FHAD1: variants seen among roughly 807,000 people sequenced by gnomAD.
The protein encoded by FHAD1 is forkhead associated phosphopeptide binding domain 1, also known as forkhead-associated domain-containing protein 1.
Under a neutral mutation model 191.3 loss-of-function variants are expected in FHAD1, and 146 were observed. The observed-to-expected ratio is 0.76, with a 90% CI of 0.67 to 0.88. The LOEUF (loss-of-function observed/expected upper bound fraction) is 0.88, where lower values mean the gene tolerates loss of function less well. Ranked by LOEUF, FHAD1 falls within the 40% of genes least tolerant of loss-of-function variation. The probability of loss-of-function intolerance (pLI) is 0.00; values close to 1 mark genes in which losing one functional copy is unlikely to be tolerated. For synonymous variants in FHAD1, 616 were observed against 672.3 expected, an observed-to-expected ratio of 0.92 and a Z score of 1.29; for missense variants, 1,635 against 1,785.8, an observed-to-expected ratio of 0.92 and a Z score of 1.52.
chr1:15,281,576 A>G (rs182300203), intron 3 of FHAD1, among the ~76,000 whole-genome samples: 130 of 152,144 alleles, frequency 8.5e-4, no homozygotes, highest in African/African-American at 3.0e-3. Context: ...TCTGACCAAC[A>G]TGGCAAAACC....
chr1:15,332,423 T>A (rs141671287), intron 14 of FHAD1, among the ~76,000 whole-genome samples: 92 of 152,316 alleles, frequency 6.0e-4, no homozygotes, highest in Middle Eastern at 6.8e-3. Context: ...AAATGTGGGT[T>A]GTTGCCAGGT....
intron 2 of FHAD1, among the ~76,000 whole-genome samples, chr1:15,262,834 T>C (rs1651700686): frequency 6.6e-6 from 1 of 152,212 alleles, no homozygotes; most frequent in East Asian, 1.9e-4. Flanking sequence ...AGAAGTGGCA[T>C]TGCCGGATCA....
At chr1:15,287,544 T>C (rs1235461377) in intron 3 of FHAD1, among the ~76,000 whole-genome samples, 2 of 152,124 alleles carry the variant, frequency 1.3e-5, no homozygotes, top group Non-Finnish European at 2.9e-5. Flanking sequence ...AAGAAGTCAC[T>C]CATTATCACG....
chr1:15,291,807 G>T (rs1664862927), intron 4 of FHAD1, among the ~76,000 whole-genome samples: 1 of 152,148 alleles, frequency 6.6e-6, no homozygotes, highest in South Asian at 2.1e-4. Context: ...TCACATCCGT[G>T]TGTGAAGAGG....
rs186608517 is a variant in FHAD1, at chr1:15,299,527, G to T, written c.679-1678G>T. ...CTCTGAGAAAATGCCAATTGACCAG[G>T]CTGGGTCAATTGCAGGTGGGACAGG... On this transcript the variant is annotated intron_variant, in intron 5 of 33. Coordinates refer to ENST00000688493, the MANE Select transcript of FHAD1 (RefSeq NM_001391957.1). Among the ~76,000 whole-genome samples the T allele has an allele frequency of 1.2e-3, 180 of 152,318 alleles. 1 individual carries two copies. Among genetic ancestry groups the T allele is most frequent in the African/African-American group, 4.1e-3 (171 of 41,556 alleles).
chr1:15,239,583 G>C (rs1409344973), intron 1 of FHAD1, among the ~76,000 whole-genome samples: 1 of 152,134 alleles, frequency 6.6e-6, no homozygotes, highest in Non-Finnish European at 1.5e-5. Context: ...GCGAGACTCT[G>C]TCTCAAAAGA....
chr1:15,338,955 G>T (rs538608465), intron 14 of FHAD1, among the ~76,000 whole-genome samples: 2 of 152,274 alleles, frequency 1.3e-5, no homozygotes, highest in East Asian at 3.9e-4. Flanking sequence ...TTGATGGGTT[G>T]TTTTCCACCT....
At chr1:15,368,632 C>A (rs1697210508) in intron 25 of FHAD1, among the ~76,000 whole-genome samples, 1 of 152,190 alleles carries the variant, frequency 6.6e-6, no homozygotes, top group South Asian at 2.1e-4. Flanking sequence ...CCAGACCTGG[C>A]TGCCTGGTTT....
intron 11 of FHAD1, 106 bp downstream of exon 11, chr1:15,324,665 C>A: frequency 1.3e-6 from 1 of 773,026 alleles, no homozygotes; most frequent in Non-Finnish European, 2.2e-6. Flanking sequence ...GAAAGACAGA[C>A]GTGCGTTAAT....
intron 28 of FHAD1, among the ~76,000 whole-genome samples, chr1:15,380,408 C>A (rs1478145321): frequency 6.6e-6 from 1 of 152,138 alleles, no homozygotes; most frequent in Non-Finnish European, 1.5e-5. Context: ...GGGGAGGGGA[C>A]AAAACCACCC....
chr1:15,323,308 A>G (rs1438240606), intron 10 of FHAD1, among the ~76,000 whole-genome samples: 1 of 152,202 alleles, frequency 6.6e-6, no homozygotes, highest in Non-Finnish European at 1.5e-5. Flanking sequence ...GAGGCCAGTC[A>G]TTGAGAGGAG....
intron 28 of FHAD1, among the ~76,000 whole-genome samples, chr1:15,378,037 C>T (rs1212908571): frequency 2.0e-5 from 3 of 152,166 alleles, no homozygotes; most frequent in Admixed American, 6.5e-5. Context: ...GGCACGGTGG[C>T]TCACGCCTGT....
chr1:15,342,340 A>G (rs1312287007), intron 16 of FHAD1, among the ~76,000 whole-genome samples: 8 of 152,242 alleles, frequency 5.3e-5, no homozygotes, highest in Non-Finnish European at 1.2e-4. Context: ...AGAAGATAGC[A>G]GCATCTCTAA....
At position 15,369,469 on chromosome 1, in the gene FHAD1, C is replaced by T. The variant is rs1328029135; in HGVS notation, c.3414C>T (p.Pro1138=). Residue 1138 remains proline (P), a synonymous_variant, in exon 26 of 34, where the codon CCC becomes CCT. Transcript: ENST00000688493. ...GTGACACCTCTGTGCAGATAGAACC[C>T]GTCCACACTGAGGCCTTCTCCAGCA... The part of the protein sequence containing the change: ...QTCDTSVQIE[P]VHTEAFSSSQ... The T allele has an allele frequency of 5.8e-6, 9 of 1,551,600 alleles. No homozygotes were observed. The highest frequency in any genetic ancestry group is 1.4e-5 in the African/African-American group (1 of 73,032).
At chr1:15,371,612 T>G (rs963610100) in intron 26 of FHAD1, among the ~76,000 whole-genome samples, 5 of 152,206 alleles carry the variant, frequency 3.3e-5, no homozygotes, top group African/African-American at 1.2e-4. Context: ...TGGCTACCCC[T>G]GTGCCCCCAA....
chr1:15,328,623 C>T (rs1029558180), intron 13 of FHAD1, 194 bp downstream of exon 13: 12 of 453,368 alleles, frequency 2.6e-5, no homozygotes, highest in African/African-American at 2.4e-4. Context: ...CCCGGGAGAA[C>T]TTGGCGTGTC....
intron 33 of FHAD1, among the ~76,000 whole-genome samples, chr1:15,396,047 C>T (rs2473340): frequency 0.019 from 2,938 of 152,308 alleles, 109 homozygotes; most frequent in African/African-American, 0.067. Flanking sequence ...TGGTGGCTCA[C>T]ACCTGTAATC....
At chr1:15,328,207 T>A in intron 12 of FHAD1, 70 bp from the exon 13 acceptor site, 7 of 1,280,164 alleles carry the variant, frequency 5.5e-6, no homozygotes, top group Non-Finnish European at 6.2e-6. Context: ...CCCATTCCCC[T>A]TCCCTCAGGG....
At chr1:15,375,214 A>G (rs1251424968) in intron 27 of FHAD1, among the ~76,000 whole-genome samples, 1 of 152,130 alleles carries the variant, frequency 6.6e-6, no homozygotes, top group Non-Finnish European at 1.5e-5. Context: ...AATACTGTCT[A>G]AGGATCAATG....
Sources: gnomAD v4.1 joint callset for allele counts (sites outside exome capture counted in the v4.1 genomes callset) on GRCh38, gnomAD v4.1.1 for gene constraint, MANE v1.5 for transcripts, NCBI Gene and HGNC (gene_info 2026-07-23, HGNC 2026-07-21) for gene names.